Variants in MROH2B observed in about 807,000 individuals in gnomAD.
MROH2B encodes maestro heat like repeat family member 2B.
In MROH2B, 177 loss-of-function variants were observed where a neutral mutation model predicts 208.6. The ratio of observed to expected loss-of-function variants is 0.85; its 90% CI spans 0.75 to 0.96. The LOEUF is 0.96. Among genes scored for constraint, MROH2B ranks in the 40% least tolerant of loss-of-function variants. MROH2B has a pLI of 0.00. For synonymous variants in MROH2B, 728 were observed against 659.0 expected, an observed-to-expected ratio of 1.10 and a Z score of -1.60; for missense variants, 2,002 against 1,878.7, an observed-to-expected ratio of 1.07 and a Z score of -1.21.
chr5:41,028,056 G>A (rs1228074118), intron 24 of MROH2B, among the ~76,000 whole-genome samples: 2 of 152,056 alleles, frequency 1.3e-5, no homozygotes, highest in Middle Eastern at 6.8e-3. Flanking sequence ...GGGGATGGGG[G>A]AGGGATAGCA....
At chr5:41,067,645 G>A (rs1743853711) in intron 2 of MROH2B, among the ~76,000 whole-genome samples, 1 of 152,140 alleles carries the variant, frequency 6.6e-6, no homozygotes. Context: ...TGGGATTACA[G>A]GCATGAGCCA....
chr5:41,058,268 C>T, intron 6 of MROH2B, 65 bp from the exon 7 acceptor site: 1 of 1,409,748 alleles, frequency 7.1e-7, no homozygotes, highest in South Asian at 1.7e-5. Flanking sequence ...GTTTTCAGAA[C>T]ACCAGGAGCT....
intron 18 of MROH2B, among the ~76,000 whole-genome samples, chr5:41,044,908 C>T (rs993116498): frequency 6.6e-6 from 1 of 152,148 alleles, no homozygotes; most frequent in Non-Finnish European, 1.5e-5. Flanking sequence ...AGCACTTCAC[C>T]AGGGACTTTA....
intron 19 of MROH2B, among the ~76,000 whole-genome samples, chr5:41,039,968 T>A (rs1370973018): frequency 6.6e-6 from 1 of 151,752 alleles, no homozygotes; most frequent in Non-Finnish European, 1.5e-5. Flanking sequence ...AAAGGAGAGT[T>A]TCAATCAGAG....
At position 40,998,046 on chromosome 5, in the gene MROH2B, G is replaced by C; in HGVS notation, c.*6C>G. On this transcript the variant is annotated 3_prime_UTR_variant, in exon 42 of 42. Transcript: ENST00000399564. ...AGGAAAAGCCAGCAGTTTATTTCTT[G>C]ATGGCTTACAGAGGAATGCTTGTCT... 6.3e-7 allele frequency: 1 copy of C among 1,597,970 alleles called. No individual in the cohort carries two copies. The highest frequency in any genetic ancestry group is 8.6e-7 in the Non-Finnish European group (1 of 1,168,116).
intron 33 of MROH2B, 67 bp from the exon 34 acceptor site, chr5:41,007,521 T>G (rs1741635516): frequency 1.5e-6 from 2 of 1,344,894 alleles, no homozygotes; most frequent in Non-Finnish European, 1.9e-6. Flanking sequence ...TTCCCAAGTT[T>G]GCCTTTCCAC....
At chr5:41,050,501 C>T (rs1743251959) in intron 13 of MROH2B, among the ~76,000 whole-genome samples, 1 of 152,086 alleles carries the variant, frequency 6.6e-6, no homozygotes, top group Admixed American at 6.6e-5. Flanking sequence ...TCTGATCTAC[C>T]ACTTAAAAGG....
chr5:41,066,455 G>A (rs922239246), intron 3 of MROH2B, among the ~76,000 whole-genome samples: 1 of 152,196 alleles, frequency 6.6e-6, no homozygotes, highest in African/African-American at 2.4e-5. Flanking sequence ...AATAGTCAGA[G>A]TTCAGGGCCA....
At chr5:41,047,939 A>C (rs1219527414) in intron 16 of MROH2B, among the ~76,000 whole-genome samples, 175 bp from the exon 17 acceptor site, 1 of 152,212 alleles carries the variant, frequency 6.6e-6, no homozygotes, top group Non-Finnish European at 1.5e-5. Context: ...CTAGGTAGAG[A>C]GAAGGTCTTC....
chr5:41,052,680 GT>G, intron 11 of MROH2B, 93 bp from the exon 12 acceptor site: 1 of 1,225,818 alleles, frequency 8.2e-7, no homozygotes, highest in Middle Eastern at 2.3e-4. Flanking sequence ...GGATAATTAA[GT>G]GGGAACATTT....
At chr5:41,014,418 C>A (rs569915972) in intron 29 of MROH2B, among the ~76,000 whole-genome samples, 4 of 152,210 alleles carry the variant, frequency 2.6e-5, no homozygotes, top group African/African-American at 9.6e-5. Flanking sequence ...AGGGGAACAT[C>A]ACACACCAGG....
intron 1 of MROH2B, 97 bp downstream of exon 1, chr5:41,070,728 A>T (rs1037689770): frequency 1.6e-6 from 2 of 1,247,302 alleles, no homozygotes; most frequent in Non-Finnish European, 2.3e-6. Flanking sequence ...GTCCTCCCAC[A>T]ATGACGCGCC....
At chr5:41,030,812 G>A (rs1742542658) in intron 24 of MROH2B, among the ~76,000 whole-genome samples, 1 of 152,026 alleles carries the variant, frequency 6.6e-6, no homozygotes, top group African/African-American at 2.4e-5. Flanking sequence ...ATATAGCCAA[G>A]TAGTTTTAGC....
At position 41,000,655 on chromosome 5, in the gene MROH2B, A is replaced by G. The variant is rs1316958416; in HGVS notation, c.4350+23T>C. The G allele has an allele frequency of 2.5e-6, 4 of 1,597,038 alleles. No homozygotes were observed. In the Admixed American group the frequency reaches 6.9e-5, roughly 27 times the overall value. ...CAGCCATGGGGAGAGCAGGAGGTGC[A>G]GGTGTCTGTGGAGAGCACTTACAAC... On this transcript the variant is annotated intron_variant, in intron 38 of 41. Coordinates refer to ENST00000399564, the MANE Select transcript of MROH2B (RefSeq NM_173489.5).
rs750411790 is a variant in MROH2B, at chr5:40,999,782, A to G, written c.4483-3T>C. ...AGAATTTCCTGGTTTTTCTTGGCCT[A>G]GAAGAGATGTGAATTTCAAAGAGGG... On this transcript the variant is annotated splice_region_variant and splice_polypyrimidine_tract_variant and intron_variant, in intron 39 of 41. Transcript: ENST00000399564. 6.2e-6 allele frequency: 10 copies of G among 1,611,758 alleles called. No homozygotes were observed. Among genetic ancestry groups the G allele is most frequent in the African/African-American group, 2.7e-5 (2 of 74,872 alleles).
Position 41,032,787 on chromosome 5 carries a change from G to C in MROH2B, c.2396C>G (p.Ala799Gly), listed in dbSNP as rs1318635356. 6.2e-7 allele frequency: 1 copy of C among 1,612,640 alleles called. No homozygotes were observed. Among genetic ancestry groups the C allele is most frequent in the Admixed American group, 1.7e-5 (1 of 59,786 alleles). ...FIRDEPLDSL[A>G]SPIRWKALIA... The stretch of plus-strand genomic sequence containing the variant: ...TAAGGCTTTCCACCGAATAGGGCTA[G>C]CTAAGGAATCCAGGGGCTCGTCTCT... Residue 799 changes from alanine to glycine, a missense_variant, in exon 24 of 42, where the codon GCT becomes GGT. Coordinates refer to ENST00000399564, the MANE Select transcript of MROH2B (RefSeq NM_173489.5).
At chr5:41,014,076 C>G (rs1054904462) in intron 29 of MROH2B, among the ~76,000 whole-genome samples, 1 of 152,160 alleles carries the variant, frequency 6.6e-6, no homozygotes, top group Non-Finnish European at 1.5e-5. Flanking sequence ...CATTTGCACA[C>G]TAGGAATATG....
chr5:41,009,612 CTAAGA>C (rs1443645680), intron 31 of MROH2B, among the ~76,000 whole-genome samples: 5 of 152,156 alleles, frequency 3.3e-5, no homozygotes, highest in Non-Finnish European at 1.5e-5. Flanking sequence ...TTAAAGTCCA[CTAAGA>C]TGGGAACCTC....
At position 40,998,627 on chromosome 5, in the gene MROH2B, C is replaced by T. The variant is rs376683021; in HGVS notation, c.4636G>A (p.Glu1546Lys). ...TSQYVELLDR[E>K]QLTTRLQALR... ...TGGTACTCACGTGTGGTCAGTTGTTCTCTGTCTAGTAACTCCACATATTGG... is the reference window on the plus strand; with the variant it reads ...TGGTACTCACGTGTGGTCAGTTGTTTTCTGTCTAGTAACTCCACATATTGG... The change falls in exon 41 of 42, where the codon GAA (glutamate) becomes AAA (lysine). Residue 1546 changes from glutamate to lysine, a missense_variant. Physicochemically the swap from Glu to Lys is moderately conservative, Grantham distance 56. Coordinates refer to ENST00000399564, the MANE Select transcript of MROH2B (RefSeq NM_173489.5). 2 of 1,596,588 alleles carry T rather than the reference C, an allele frequency of 1.3e-6. No individual in the cohort carries two copies. Among genetic ancestry groups the T allele is most frequent in the African/African-American group, 2.7e-5 (2 of 74,686 alleles).
Sources: gnomAD v4.1 joint callset for allele counts (sites outside exome capture counted in the v4.1 genomes callset) on GRCh38, gnomAD v4.1.1 for gene constraint, MANE v1.5 for transcripts, NCBI Gene and HGNC (gene_info 2026-07-23, HGNC 2026-07-21) for gene names.